The following ASTN2 variants were observed in gnomAD, a reference collection of about 807,000 sequenced individuals.
ASTN2 encodes astrotactin 2.
A neutral mutation model predicts 139.8 loss-of-function variants in ASTN2; 54 were observed. The ratio of observed to expected loss-of-function variants is 0.39; its 90% CI spans 0.31 to 0.48. The LOEUF (loss-of-function observed/expected upper bound fraction) is 0.48. Among genes scored for constraint, ASTN2 ranks in the 20% least tolerant of loss-of-function variants. ASTN2 has a pLI of 0.95. For missense variants in ASTN2, 1,565 were observed against 1,725.1 expected (o/e 0.91, Z 1.64); for synonymous variants, 756 against 719.5 (o/e 1.05, Z -0.81).
At position 116,846,664 on chromosome 9, in the gene ASTN2, T is replaced by C. The variant is rs1832440951; in HGVS notation, c.2040+16919A>G. Among the ~76,000 whole-genome samples the C allele has an allele frequency of 1.3e-5, 2 of 152,206 alleles. 1 individual carries two copies. The highest frequency in any genetic ancestry group is 4.1e-4 in the South Asian group (2 of 4,828). On this transcript the variant is annotated intron_variant, in intron 11 of 22. Coordinates refer to ENST00000313400, the MANE Select transcript of ASTN2 (RefSeq NM_001365068.1). ...GGGACACAGGTTACCATCCTTGCTT[T>C]GGGCACATCCCTGCCCTTCTCTGGC...
chr9:116,552,245 A>C (rs1351440133), intron 19 of ASTN2: 1 of 152,140 alleles, frequency 6.6e-6, no homozygotes, highest in Non-Finnish European at 1.5e-5. Context: ...CCCATGCCTC[A>C]TATCTGTTAC....
intron 7 of ASTN2, among the ~76,000 whole-genome samples, chr9:117,005,150 A>C (rs1268066742): frequency 8.1e-6 from 1 of 123,872 alleles, no homozygotes; most frequent in Non-Finnish European, 1.6e-5. Flanking sequence ...CAGTGGCATG[A>C]TCTCAGTTCA....
At chr9:116,826,020 A>G (rs1469731082) in intron 11 of ASTN2, among the ~76,000 whole-genome samples, 1 of 152,158 alleles carries the variant, frequency 6.6e-6, no homozygotes, top group Non-Finnish European at 1.5e-5. Flanking sequence ...TGAGACATGG[A>G]TAGACTGTAC....
intron 13 of ASTN2, among the ~76,000 whole-genome samples, chr9:116,786,032 A>G (rs988690320): frequency 2.0e-5 from 3 of 152,004 alleles, no homozygotes; most frequent in Admixed American, 1.3e-4. Context: ...TTTATTTGTA[A>G]CCTTTTTTCC....
intron 16 of ASTN2, among the ~76,000 whole-genome samples, chr9:116,702,608 T>G (rs940089575): frequency 6.6e-6 from 1 of 152,142 alleles, no homozygotes; most frequent in Non-Finnish European, 1.5e-5. Context: ...GGTTCAGGTA[T>G]TTACCTGACT....
chr9:117,100,228 C>A (rs751867928), intron 4 of ASTN2, among the ~76,000 whole-genome samples: 24 of 152,214 alleles, frequency 1.6e-4, no homozygotes, highest in Non-Finnish European at 2.8e-4. Flanking sequence ...AAGGCTTTCC[C>A]TTCTGGTCAA....
At position 117,140,073 on chromosome 9, in the gene ASTN2, C is replaced by T. The variant is rs376222151; in HGVS notation, c.1168+1253G>A. Among the ~76,000 whole-genome samples, 5 of 152,354 alleles carry T rather than the reference C, an allele frequency of 3.3e-5. No individual in the cohort carries two copies. The East Asian group carries it at 9.6e-4, about 29-fold the overall frequency. Reference sequence around the variant, plus strand: ...ATTATCTGTAAAATGGGAATTACCACTGTACCTGCTTCATAGGGTTGCTGT... The same window carrying T: ...ATTATCTGTAAAATGGGAATTACCATTGTACCTGCTTCATAGGGTTGCTGT... On this transcript the variant is annotated intron_variant, in intron 4 of 22. Transcript: ENST00000313400.
Position 117,145,606 on chromosome 9 carries a change from T to A in ASTN2, c.1016-4128A>T, listed in dbSNP as rs573650730. On this transcript the variant is annotated intron_variant, in intron 3 of 22. Coordinates refer to ENST00000313400, the MANE Select transcript of ASTN2 (RefSeq NM_001365068.1). ...CAGTCCCAGTTCTCACAGGGTCCAA[T>A]AAAACCATGTCTCCCTGCCTTTTCA... Among the ~76,000 whole-genome samples, 8 of 152,304 alleles carry A rather than the reference T, an allele frequency of 5.3e-5. No homozygotes were observed. In the South Asian group the frequency reaches 1.7e-3, roughly 32 times the overall value.
At chr9:117,363,237 C>A (rs1006994267) in intron 1 of ASTN2, among the ~76,000 whole-genome samples, 3 of 152,178 alleles carry the variant, frequency 2.0e-5, no homozygotes, top group African/African-American at 7.2e-5. Context: ...ATTCATGAAG[C>A]ATCTGTTAAT....
intron 5 of ASTN2, among the ~76,000 whole-genome samples, chr9:117,067,527 T>C (rs1827988509): frequency 7.2e-6 from 1 of 138,752 alleles, no homozygotes; most frequent in African/African-American, 2.7e-5. Context: ...AAAGTAGTTT[T>C]TTCCAATTCT....
intron 3 of ASTN2, among the ~76,000 whole-genome samples, chr9:117,144,261 C>T (rs73657675): frequency 0.027 from 4,038 of 152,138 alleles, 175 homozygotes; most frequent in African/African-American, 0.087. Flanking sequence ...TCCAGAAGTA[C>T]GAGAAAATAA....
chr9:116,996,835 C>A (rs10983448), intron 7 of ASTN2, among the ~76,000 whole-genome samples: 34,515 of 151,854 alleles, frequency 0.23, 4,921 homozygotes, highest in Middle Eastern at 0.33. Context: ...ATATTTAGAA[C>A]CTTCCTGGAT....
intron 7 of ASTN2, among the ~76,000 whole-genome samples, chr9:116,993,410 A>C (rs1486355952): frequency 6.6e-6 from 1 of 151,764 alleles, no homozygotes; most frequent in African/African-American, 2.4e-5. Flanking sequence ...GTCTGCTCAA[A>C]TTTGCAACCA....
At chr9:117,175,021 G>A (rs779989832) in intron 3 of ASTN2, among the ~76,000 whole-genome samples, 9 of 151,816 alleles carry the variant, frequency 5.9e-5, no homozygotes, top group South Asian at 4.2e-4. Context: ...ACAAAGATTC[G>A]CAAGACTATT....
At position 117,249,144 on chromosome 9, in the gene ASTN2, C is replaced by G. The variant is rs564532009; in HGVS notation, c.631-34402G>C. On this transcript the variant is annotated intron_variant, in intron 2 of 22. Coordinates refer to ENST00000313400, the MANE Select transcript of ASTN2 (RefSeq NM_001365068.1). ...AAGAACATAGCTGTGGCTTGATAAC[C>G]CATAACTGCTGAAGTCGTATGAAGT... is the stretch of plus-strand genomic sequence containing the variant. 7.2e-5 allele frequency among the ~76,000 whole-genome samples: 11 copies of G among 152,218 alleles called. No homozygotes were observed. In the East Asian group the frequency reaches 1.9e-3, roughly 27 times the overall value.
intron 11 of ASTN2, among the ~76,000 whole-genome samples, chr9:116,837,594 C>G (rs1436765304): frequency 6.6e-6 from 1 of 152,156 alleles, no homozygotes; most frequent in Non-Finnish European, 1.5e-5. Context: ...TTTTAATGTT[C>G]ATTAATTATG....
chr9:116,539,784 T>C (rs1435583213), intron 19 of ASTN2, among the ~76,000 whole-genome samples: 1 of 152,252 alleles, frequency 6.6e-6, no homozygotes, highest in Admixed American at 6.5e-5. Flanking sequence ...TTACAACTTA[T>C]GAATTGTTTA....
chr9:117,267,664 C>T (rs2133118897), intron 2 of ASTN2, among the ~76,000 whole-genome samples: 1 of 152,214 alleles, frequency 6.6e-6, no homozygotes, highest in South Asian at 2.1e-4. Flanking sequence ...ATTCCTCCTC[C>T]CAATGGTGTG....
At position 116,819,550 on chromosome 9, in the gene ASTN2, C is replaced by A. The variant is rs2416573; in HGVS notation, c.2207+1067G>T. Among the ~76,000 whole-genome samples, 132 of 152,282 alleles carry A rather than the reference C, an allele frequency of 8.7e-4. 1 individual carries two copies. Among genetic ancestry groups the A allele is most frequent in the Admixed American group, 5.0e-3 (76 of 15,294 alleles). On this transcript the variant is annotated intron_variant, in intron 12 of 22. Transcript: ENST00000313400. Reference sequence around the variant, plus strand: ...ACACTAGAATCATACAAGTTTAATTCATTTTTCTGGTAAACTGGAATTAAA... The same window carrying A: ...ACACTAGAATCATACAAGTTTAATTAATTTTTCTGGTAAACTGGAATTAAA...
Sources: gnomAD v4.1 joint callset for allele counts (sites outside exome capture counted in the v4.1 genomes callset) on GRCh38, gnomAD v4.1.1 for gene constraint, MANE v1.5 for transcripts, NCBI Gene and HGNC (gene_info 2026-07-23, HGNC 2026-07-21) for gene names.